The following ST3GAL4 variants were observed in gnomAD, a reference collection of about 807,000 sequenced individuals.
ST3GAL4 encodes ST3 beta-galactoside alpha-2,3-sialyltransferase 4.
In ST3GAL4, 24 loss-of-function variants were observed where a neutral mutation model predicts 42.6. The observed-to-expected ratio is 0.56, with a 90% CI of 0.41 to 0.79. The LOEUF is 0.79. Among genes scored for constraint, ST3GAL4 ranks in the 30% least tolerant of loss-of-function variants. The pLI, the probability that ST3GAL4 is intolerant of heterozygous loss-of-function variation, is 0.00. For missense variants in ST3GAL4, 311 were observed against 430.8 expected (o/e 0.72, Z 2.46); for synonymous variants, 135 against 163.2 (o/e 0.83, Z 1.32).
At chr11:126,371,606 G>T (rs559641408) in intron 1 of ST3GAL4, among the ~76,000 whole-genome samples, 1 of 152,318 alleles carries the variant, frequency 6.6e-6, no homozygotes, top group Admixed American at 6.5e-5. Flanking sequence ...GACCTGTATG[G>T]ATTAATTTCT....
chr11:126,357,610 C>T (rs545291424), intron 1 of ST3GAL4, among the ~76,000 whole-genome samples: 1 of 152,172 alleles, frequency 6.6e-6, no homozygotes, highest in Non-Finnish European at 1.5e-5. Context: ...TCCTAGAATC[C>T]GGTTTTCTGG....
Position 126,406,884 on chromosome 11 carries a change from G to A in ST3GAL4, c.102-59G>A. The A allele has an allele frequency of 2.0e-6, 3 of 1,500,568 alleles. No individual in the cohort carries two copies. Among genetic ancestry groups the A allele is most frequent in the Non-Finnish European group, 2.8e-6 (3 of 1,079,236 alleles). The allele number at this position is 1,500,568 out of a possible 1,614,324, so 93.0% of individuals were successfully genotyped here. ...CCGTGGGAGAAGGCTTAGGCTGCCTGGAACATGGGTCCCTGGGTCTGACTG... is the reference window on the plus strand; with the variant it reads ...CCGTGGGAGAAGGCTTAGGCTGCCTAGAACATGGGTCCCTGGGTCTGACTG... On this transcript the variant is annotated intron_variant, in intron 3 of 10. Coordinates refer to ENST00000444328, the MANE Select transcript of ST3GAL4 (RefSeq NM_001254757.2). The surrounding 1 kb of genome is among the most constrained non-coding windows in gnomAD (Gnocchi z 5.4).
rs1340693547 is a variant in ST3GAL4 at position 126,407,288 on chromosome 11, G to A, written c.219G>A (p.Glu73=). 3 of 1,614,206 alleles carry A rather than the reference G, an allele frequency of 1.9e-6. 1 individual carries two copies. Among genetic ancestry groups the A allele is most frequent in the South Asian group, 1.1e-5 (1 of 91,088 alleles). The part of the protein sequence containing the change: ...SRDQPIFLRL[E]DYFWVKTPSA... ...ATCAGCCCATCTTCCTGCGGCTTGA[G>A]GATTATTTCTGGGTCAAGACGCCAT... Residue 73 remains glutamate, a synonymous_variant, in exon 5 of 11, where the codon GAG becomes GAA. Coordinates refer to ENST00000444328, the MANE Select transcript of ST3GAL4 (RefSeq NM_001254757.2).
intron 1 of ST3GAL4, among the ~76,000 whole-genome samples, chr11:126,381,072 CA>C (rs943943035): frequency 6.6e-6 from 1 of 152,238 alleles, no homozygotes; most frequent in Non-Finnish European, 1.5e-5. Flanking sequence ...AGCCCCTCCC[CA>C]ACCCGGGCCT....
At chr11:126,394,512 C>T (rs922420764) in intron 1 of ST3GAL4, among the ~76,000 whole-genome samples, 2 of 152,162 alleles carry the variant, frequency 1.3e-5, no homozygotes, top group Non-Finnish European at 2.9e-5. Context: ...GCAGCCTCCA[C>T]CTCCCGGGCT....
intron 1 of ST3GAL4, among the ~76,000 whole-genome samples, chr11:126,367,249 C>G (rs536344793): frequency 6.6e-6 from 1 of 152,196 alleles, no homozygotes; most frequent in African/African-American, 2.4e-5. Flanking sequence ...CCTCCTCCCC[C>G]TCCCCTTCTG....
At chr11:126,380,931 G>A (rs183653315) in intron 1 of ST3GAL4, among the ~76,000 whole-genome samples, 1 of 152,326 alleles carries the variant, frequency 6.6e-6, no homozygotes, top group East Asian at 1.9e-4. Flanking sequence ...CAGCCTTTTG[G>A]GCTTGGGCTG....
At position 126,359,168 on chromosome 11, in the gene ST3GAL4, G is replaced by A. The variant is rs948565310; in HGVS notation, c.-61+3326G>A. ...TGCAGCGACCCTACTTGTGCTCTGC[G>A]TCCTCTGCCAACTGCAGCATGGGTG... On this transcript the variant is annotated intron_variant, in intron 1 of 10. Coordinates refer to ENST00000444328, the MANE Select transcript of ST3GAL4 (RefSeq NM_001254757.2). This position sits in a 1 kb window ranked among gnomAD's most constrained non-coding sequence, Gnocchi z 4.8. Among the ~76,000 whole-genome samples, 2 of 152,096 alleles carry A rather than the reference G, an allele frequency of 1.3e-5. No homozygotes were observed. The highest frequency in any genetic ancestry group is 6.6e-5 in the Admixed American group (1 of 15,258).
At chr11:126,356,214 C>T (rs1185938414) in intron 1 of ST3GAL4, 2 of 152,334 alleles carry the variant, frequency 1.3e-5, no homozygotes, top group East Asian at 3.9e-4. Flanking sequence ...TCAGGTCCAG[C>T]ACTTGGGAGC....
intron 1 of ST3GAL4, among the ~76,000 whole-genome samples, chr11:126,372,146 C>T (rs1404639766): frequency 2.0e-5 from 3 of 152,152 alleles, no homozygotes; most frequent in Non-Finnish European, 4.4e-5. Flanking sequence ...GTGCTACCAT[C>T]CCGCCATCCA....
In ST3GAL4 at chr11:126,378,139, C is replaced by T. The variant is rs1952886384; in HGVS notation, c.-61+22297C>T. On this transcript the variant is annotated intron_variant, in intron 1 of 10. Transcript: ENST00000444328. This position sits in a 1 kb window ranked among gnomAD's most constrained non-coding sequence, Gnocchi z 5.3. ...TCTAGTCATTTTAGGTAGAAGATAG[C>T]CCACACCACAGATCCAGACTGGCTA... is the stretch of plus-strand genomic sequence containing the variant. Among the ~76,000 whole-genome samples, 3 of 152,012 alleles carry T rather than the reference C, an allele frequency of 2.0e-5. No individual in the cohort carries two copies. The highest frequency in any genetic ancestry group is 2.0e-4 in the Admixed American group (3 of 15,240).
At chr11:126,356,642 C>G (rs2135355541) in intron 1 of ST3GAL4, among the ~76,000 whole-genome samples, 1 of 152,364 alleles carries the variant, frequency 6.6e-6, no homozygotes, top group South Asian at 2.1e-4. Context: ...CTTAAGGGAA[C>G]TGCTGCCAGA....
intron 1 of ST3GAL4, among the ~76,000 whole-genome samples, chr11:126,377,263 C>G (rs750134431): frequency 6.6e-5 from 10 of 152,016 alleles, no homozygotes; most frequent in Non-Finnish European, 1.3e-4. Flanking sequence ...CTCCACCTCC[C>G]AGGTTCAAGT....
intron 1 of ST3GAL4, among the ~76,000 whole-genome samples, chr11:126,375,724 G>C (rs2135423793): frequency 6.6e-6 from 1 of 152,280 alleles, no homozygotes; most frequent in South Asian, 2.1e-4. Context: ...CCTGGGGAGT[G>C]GGATTTCCTT....
Position 126,403,496 on chromosome 11 carries a change from T to C in ST3GAL4, c.-60-2600T>C, listed in dbSNP as rs925730706. The C allele has an allele frequency of 6.2e-6, 6 of 968,490 alleles. No homozygotes were observed. In the East Asian group the frequency reaches 3.4e-4, roughly 55 times the overall value. The allele number at this position is 968,490 out of a possible 1,614,324, so 60.0% of individuals were successfully genotyped here. ...TAGAATCACAGAGGAGGTACGGCGC[T>C]GATTTGTTTTACTATTCCCTATTCA... On this transcript the variant is annotated intron_variant, in intron 1 of 10. Coordinates refer to ENST00000444328, the MANE Select transcript of ST3GAL4 (RefSeq NM_001254757.2).
At position 126,406,311 on chromosome 11, in the gene ST3GAL4, G is replaced by T; in HGVS notation, c.16+140G>T. On this transcript the variant is annotated intron_variant, in intron 2 of 10. Coordinates refer to ENST00000444328, the MANE Select transcript of ST3GAL4 (RefSeq NM_001254757.2). This position sits in a 1 kb window ranked among gnomAD's most constrained non-coding sequence, Gnocchi z 5.4. ...TTCTCTTCATCTTGAAGGACAGTGGGTACAATCAGGGTCAAGCCCTCAGCC... is the reference window on the plus strand; with the variant it reads ...TTCTCTTCATCTTGAAGGACAGTGGTTACAATCAGGGTCAAGCCCTCAGCC... 1 of 1,540,668 alleles carries T rather than the reference G, an allele frequency of 6.5e-7. No homozygotes were observed. The highest frequency in any genetic ancestry group is 8.8e-7 in the Non-Finnish European group (1 of 1,142,308).
intron 1 of ST3GAL4, among the ~76,000 whole-genome samples, chr11:126,394,249 G>A (rs1322167025): frequency 2.6e-5 from 4 of 152,184 alleles, no homozygotes; most frequent in Non-Finnish European, 4.4e-5. Context: ...AGGGAGGAGC[G>A]CCCGGGAGCC....
chr11:126,380,890 T>C (rs1373124232), intron 1 of ST3GAL4, among the ~76,000 whole-genome samples: 4 of 152,240 alleles, frequency 2.6e-5, no homozygotes, highest in African/African-American at 9.6e-5. Flanking sequence ...AGGGAGATTT[T>C]TACTCAGACC....
rs1953888458 is a variant in ST3GAL4, at chr11:126,398,921, G to A, written c.-60-7175G>A. Among the ~76,000 whole-genome samples, 1 of 152,200 alleles carries A rather than the reference G, an allele frequency of 6.6e-6. No homozygotes were observed. The highest frequency in any genetic ancestry group is 6.5e-5 in the Admixed American group (1 of 15,280). The stretch of plus-strand genomic sequence containing the variant: ...GAGACTTGAGGTGGCCCTGGACAGT[G>A]AGCCACAGGTCCTGAGGGCTCCCAA... On this transcript the variant is annotated intron_variant, in intron 1 of 10. Transcript: ENST00000444328. The surrounding 1 kb of genome is among the most constrained non-coding windows in gnomAD (Gnocchi z 4.7).
Sources: gnomAD v4.1 joint callset for allele counts (sites outside exome capture counted in the v4.1 genomes callset) on GRCh38, gnomAD v4.1.1 for gene constraint, Gnocchi (gnomAD v3.1) non-coding constraint, MANE v1.5 for transcripts, NCBI Gene and HGNC (gene_info 2026-07-23, HGNC 2026-07-21) for gene names.